Variants in IQCH observed in about 807,000 individuals in gnomAD.
IQCH encodes the protein IQ motif containing H, also known as IQ domain-containing protein H.
A neutral mutation model predicts 117.0 loss-of-function variants in IQCH; 98 were observed. That is an observed-to-expected ratio of 0.84 (90% CI 0.71 to 0.99). The LOEUF (loss-of-function observed/expected upper bound fraction) is 0.99. IQCH is among the 50% of genes least tolerant of loss of function. The pLI, the probability that IQCH is intolerant of heterozygous loss-of-function variation, is 0.00. For missense variants in IQCH, 1,102 were observed against 1,243.8 expected (o/e 0.89, Z 1.72); for synonymous variants, 412 against 448.2 (o/e 0.92, Z 1.02).
rs958056977 is a variant in IQCH, at chr15:67,390,497, CT to C, written c.1632+1500del. On this transcript the variant is annotated intron_variant, in intron 12 of 20. Coordinates refer to ENST00000335894, the MANE Select transcript of IQCH (RefSeq NM_001031715.3). The surrounding 1 kb of genome is among the most constrained non-coding windows in gnomAD (Gnocchi z 5.0). ...TTCTTAGCATACAGTTTCTTTTTTT[CT>C]TTTTTTTTGAGACAGAGTCTCACTC... Among the ~76,000 whole-genome samples, 473 of 150,702 alleles carry C rather than the reference CT, an allele frequency of 3.1e-3. 1 individual carries two copies. Among genetic ancestry groups the C allele is most frequent in the Non-Finnish European group, 5.2e-3 (354 of 67,544 alleles).
intron 15 of IQCH, among the ~76,000 whole-genome samples, chr15:67,418,554 A>AC (rs1393744743): frequency 2.0e-3 from 56 of 28,426 alleles, no homozygotes; most frequent in Non-Finnish European, 4.7e-3. Flanking sequence ...CACACACACA[A>AC]GATCAATAAT....
intron 3 of IQCH, among the ~76,000 whole-genome samples, chr15:67,275,964 A>G (rs1966105309): frequency 6.6e-6 from 1 of 152,256 alleles, no homozygotes; most frequent in Non-Finnish European, 1.5e-5. Context: ...TAATGTCTGT[A>G]TAAGTATGTT....
rs1203215505 is a variant in IQCH at position 67,496,297 on chromosome 15, A to T, written c.2970+1931A>T. Among the ~76,000 whole-genome samples the T allele has an allele frequency of 6.6e-6, 1 of 152,212 alleles. No individual in the cohort carries two copies. Among genetic ancestry groups the T allele is most frequent in the Non-Finnish European group, 1.5e-5 (1 of 68,034 alleles). ...ATGGGAGTAAGAATAAAAAAAAGGAAGATAATGCAGAAAATGCATTTAACA... is the reference window on the plus strand; with the variant it reads ...ATGGGAGTAAGAATAAAAAAAAGGATGATAATGCAGAAAATGCATTTAACA... On this transcript the variant is annotated intron_variant, in intron 20 of 20. Transcript: ENST00000335894. The surrounding 1 kb of genome is among the most constrained non-coding windows in gnomAD (Gnocchi z 4.4).
chr15:67,382,937 A>C (rs953792587), intron 10 of IQCH, among the ~76,000 whole-genome samples: 1 of 152,240 alleles, frequency 6.6e-6, no homozygotes, highest in Non-Finnish European at 1.5e-5. Flanking sequence ...ATGTACTACC[A>C]GCATAGATGA....
At chr15:67,257,876 A>G (rs905389548) in intron 1 of IQCH, among the ~76,000 whole-genome samples, 3 of 152,244 alleles carry the variant, frequency 2.0e-5, no homozygotes, top group African/African-American at 7.2e-5. Flanking sequence ...CTCAATTGAC[A>G]GTTTGCTATT....
chr15:67,378,343 T>C (rs891315650), intron 10 of IQCH, among the ~76,000 whole-genome samples: 4 of 151,766 alleles, frequency 2.6e-5, no homozygotes, highest in African/African-American at 7.3e-5. Flanking sequence ...AGATGGATGT[T>C]GTTCCTTCCA....
chr15:67,398,988 G>A (rs1971555312), intron 13 of IQCH, among the ~76,000 whole-genome samples: 1 of 152,136 alleles, frequency 6.6e-6, no homozygotes, highest in South Asian at 2.1e-4. Flanking sequence ...TTATAATTAA[G>A]TCATCTTGCT....
rs1487231127 is a variant in IQCH, at chr15:67,411,359, T to C, written c.2098-5572T>C. ...AGCCCTCGTTCCCTCTTTTGTGACA[T>C]GAGGCATTTGTCCTAGATAGTCCAC... On this transcript the variant is annotated intron_variant, in intron 14 of 20. Transcript: ENST00000335894. This position sits in a 1 kb window ranked among gnomAD's most constrained non-coding sequence, Gnocchi z 4.4. 6.6e-6 allele frequency among the ~76,000 whole-genome samples: 1 copy of C among 152,186 alleles called. No homozygotes were observed. Among genetic ancestry groups the C allele is most frequent in the Admixed American group, 6.5e-5 (1 of 15,274 alleles).
At chr15:67,438,765 A>T (rs2082197226) in intron 16 of IQCH, among the ~76,000 whole-genome samples, 1 of 152,264 alleles carries the variant, frequency 6.6e-6, no homozygotes, top group African/African-American at 2.4e-5. Context: ...CTATTCTTAT[A>T]TCACACAAAA....
Position 67,384,570 on chromosome 15 carries a change from T to G in IQCH, c.1373-366T>G, listed in dbSNP as rs72745484. ...CAAAATACCACATAAGAAGCTCACATTAAGAAGCCAAAACGATATTTTTTT... is the reference window on the plus strand; with the variant it reads ...CAAAATACCACATAAGAAGCTCACAGTAAGAAGCCAAAACGATATTTTTTT... On this transcript the variant is annotated intron_variant, in intron 10 of 20. Transcript: ENST00000335894. The surrounding 1 kb of genome is among the most constrained non-coding windows in gnomAD (Gnocchi z 4.3). Among the ~76,000 whole-genome samples the G allele has an allele frequency of 8.5e-3, 1,290 of 152,312 alleles. 11 individuals are homozygous for G. Among genetic ancestry groups the G allele is most frequent in the Non-Finnish European group, 0.014 (981 of 68,014 alleles).
chr15:67,475,894 C>A lies in IQCH; in HGVS notation c.2799+76C>A, dbSNP rs2083190364. ...GATCTAGGTAGCTAATAATTTGGTG[C>A]CCCTTCAGATAGATATTCTTTAAAT... On this transcript the variant is annotated intron_variant, in intron 18 of 20. Coordinates refer to ENST00000335894, the MANE Select transcript of IQCH (RefSeq NM_001031715.3). The surrounding 1 kb of genome is among the most constrained non-coding windows in gnomAD (Gnocchi z 5.7). 1 of 1,310,816 alleles carries A rather than the reference C, an allele frequency of 7.6e-7. No individual in the cohort carries two copies. Among genetic ancestry groups the A allele is most frequent in the African/African-American group, 1.5e-5 (1 of 68,628 alleles). 81.2% of individuals were successfully genotyped at this position (1,310,816 alleles called of 1,614,324 possible). A position where few individuals can be genotyped will look rare whatever the true frequency, so the allele number is the denominator to read the frequency against.
At chr15:67,410,912 G>C (rs145597398) in intron 14 of IQCH, among the ~76,000 whole-genome samples, 1 of 152,222 alleles carries the variant, frequency 6.6e-6, no homozygotes, top group African/African-American at 2.4e-5. Context: ...ATGGCACACT[G>C]GTAGCAATTG....
In IQCH at chr15:67,479,815, T is replaced by C. The variant is rs1481831608; in HGVS notation, c.2799+3997T>C. On this transcript the variant is annotated intron_variant, in intron 18 of 20. Coordinates refer to ENST00000335894, the MANE Select transcript of IQCH (RefSeq NM_001031715.3). The surrounding 1 kb of genome is among the most constrained non-coding windows in gnomAD (Gnocchi z 4.6). ...CCTCAAAAGTCCTTATTCTCAGCAC[T>C]GTTTTCCCATTATGATCACAGACTT... 6.6e-6 allele frequency among the ~76,000 whole-genome samples: 1 copy of C among 152,210 alleles called. No homozygotes were observed. The highest frequency in any genetic ancestry group is 1.5e-5 in the Non-Finnish European group (1 of 68,028).
intron 3 of IQCH, among the ~76,000 whole-genome samples, chr15:67,264,355 T>A (rs1393833387): frequency 6.6e-6 from 1 of 152,260 alleles, no homozygotes; most frequent in Non-Finnish European, 1.5e-5. Flanking sequence ...GGGTCAGGAA[T>A]CTGGGCACAG....
At chr15:67,304,778 C>A (rs186103805) in intron 4 of IQCH, among the ~76,000 whole-genome samples, 2 of 151,982 alleles carry the variant, frequency 1.3e-5, no homozygotes, top group African/African-American at 4.8e-5. Context: ...TATTGTATTT[C>A]TTTGATAGTA....
At chr15:67,357,981 C>G (rs1969965852) in intron 7 of IQCH, among the ~76,000 whole-genome samples, 1 of 151,724 alleles carries the variant, frequency 6.6e-6, no homozygotes, top group Non-Finnish European at 1.5e-5. Flanking sequence ...GTCTCAGCCT[C>G]CCAGGTAGCT....
intron 1 of IQCH, among the ~76,000 whole-genome samples, chr15:67,258,414 C>A (rs1965319918): frequency 6.6e-6 from 1 of 151,344 alleles, no homozygotes. Flanking sequence ...TCTTATAATC[C>A]CAGCTACTCA....
At chr15:67,392,592 C>T (rs1971322416) in intron 12 of IQCH, among the ~76,000 whole-genome samples, 1 of 151,958 alleles carries the variant, frequency 6.6e-6, no homozygotes, top group Admixed American at 6.6e-5. Context: ...GCCTGGGCAA[C>T]ATGACAGAAC....
intron 16 of IQCH, 58 bp downstream of exon 16, chr15:67,421,635 A>C: frequency 6.5e-7 from 1 of 1,538,522 alleles, no homozygotes. Context: ...CGCACCCTAC[A>C]CACCTACAGT....
Sources: allele counts gnomAD v4.1 joint callset (sites outside exome capture counted in the v4.1 genomes callset), GRCh38; gene constraint gnomAD v4.1.1; non-coding constraint Gnocchi (gnomAD v3.1); transcripts MANE v1.5; gene names NCBI Gene and HGNC (gene_info 2026-07-23, HGNC 2026-07-21).